Variants in FAM171A1 observed in about 807,000 individuals in gnomAD.
FAM171A1 encodes family with sequence similarity 171 member A1.
A neutral mutation model predicts 74.9 loss-of-function variants in FAM171A1; 23 were observed. The observed-to-expected ratio is 0.31, with a 90% CI of 0.22 to 0.44. The LOEUF is 0.44. Among genes scored for constraint, FAM171A1 ranks in the 20% least tolerant of loss-of-function variants. FAM171A1 has a pLI of 1.00. For synonymous variants in FAM171A1, 527 were observed against 505.7 expected, an observed-to-expected ratio of 1.04 and a Z score of -0.57; for missense variants, 1,162 against 1,159.2, an observed-to-expected ratio of 1.00 and a Z score of -0.03.
intron 4 of FAM171A1, 38 bp from the exon 5 acceptor site, chr10:15,248,853 A>C: frequency 3.2e-6 from 5 of 1,579,934 alleles, no homozygotes; most frequent in Non-Finnish European, 4.3e-6. Context: ...TTGCATGCAA[A>C]GTACCCATGT....
chr10:15,300,085 CA>C, intron 1 of FAM171A1, among the ~76,000 whole-genome samples: 1 of 152,272 alleles, frequency 6.6e-6, no homozygotes, highest in South Asian at 2.1e-4. Flanking sequence ...CAAAACAAGA[CA>C]AAGGTCCCTG....
intron 2 of FAM171A1, among the ~76,000 whole-genome samples, chr10:15,278,903 G>A (rs1428990583): frequency 6.6e-6 from 1 of 152,188 alleles, no homozygotes; most frequent in African/African-American, 2.4e-5. Flanking sequence ...TTTCACCTAA[G>A]GCACAGGGCA....
At chr10:15,263,445 C>T (rs1015939774) in intron 3 of FAM171A1, among the ~76,000 whole-genome samples, 2 of 152,208 alleles carry the variant, frequency 1.3e-5, no homozygotes, top group East Asian at 1.9e-4. Context: ...GTATAATTTA[C>T]GAGTGTTCTC....
At chr10:15,278,757 A>C (rs956340628) in intron 2 of FAM171A1, among the ~76,000 whole-genome samples, 1 of 152,160 alleles carries the variant, frequency 6.6e-6, no homozygotes, top group Non-Finnish European at 1.5e-5. Context: ...GAGGTGTGGG[A>C]AAGAGTGAGT....
chr10:15,305,367 AT>A (rs1835280538), intron 1 of FAM171A1, among the ~76,000 whole-genome samples: 1 of 152,162 alleles, frequency 6.6e-6, no homozygotes, highest in Non-Finnish European at 1.5e-5. Context: ...TCCCGACTCT[AT>A]AATGTCTATA....
chr10:15,257,211 G>A (rs1834591645), intron 3 of FAM171A1, among the ~76,000 whole-genome samples: 1 of 152,168 alleles, frequency 6.6e-6, no homozygotes, highest in African/African-American at 2.4e-5. Flanking sequence ...GAGCAGGGAA[G>A]GAAAAGTGCA....
chr10:15,314,779 G>A (rs932328277), intron 1 of FAM171A1, among the ~76,000 whole-genome samples: 60 of 152,336 alleles, frequency 3.9e-4, no homozygotes, highest in African/African-American at 1.4e-3. Context: ...GTGCCCAGGT[G>A]GGAAGTTGGG....
At position 15,371,264 on chromosome 10, in the gene FAM171A1, G is replaced by GGCGGCT. The variant is rs1554759121; in HGVS notation, c.-213_-212insAGCCGC. On this transcript the variant is annotated 5_prime_UTR_variant, in exon 1 of 8. Transcript: ENST00000378116. ...GAGCCGCGGCGGCGGCGGCGGCGGC[G>GGCGGCT]GCTGCTGCTGCTCCGCCAGCTCCTT... is the stretch of plus-strand genomic sequence containing the variant. Among the ~76,000 whole-genome samples, 5 of 143,914 alleles carry GGCGGCT rather than the reference G, an allele frequency of 3.5e-5. No homozygotes were observed. Among genetic ancestry groups the GGCGGCT allele is most frequent in the Non-Finnish European group, 7.7e-5 (5 of 65,120 alleles). 94.4% of individuals were successfully genotyped at this position (143,914 alleles called of 152,430 possible).
At chr10:15,285,030 A>C (rs1835019170) in intron 1 of FAM171A1, among the ~76,000 whole-genome samples, 1 of 152,272 alleles carries the variant, frequency 6.6e-6, no homozygotes, top group Non-Finnish European at 1.5e-5. Flanking sequence ...ACAGAATGTT[A>C]CAAATTGCTA....
intron 2 of FAM171A1, among the ~76,000 whole-genome samples, chr10:15,282,385 C>T (rs1834981083): frequency 6.6e-6 from 1 of 152,160 alleles, no homozygotes; most frequent in African/African-American, 2.4e-5. Flanking sequence ...GTTAATGAAT[C>T]AACAATCTAT....
intron 1 of FAM171A1, among the ~76,000 whole-genome samples, chr10:15,322,351 T>C (rs1420676584): frequency 6.6e-6 from 1 of 152,230 alleles, no homozygotes; most frequent in Non-Finnish European, 1.5e-5. Flanking sequence ...TTATTTATGT[T>C]AAGTGTATTT....
chr10:15,334,936 A>C (rs777658296), intron 1 of FAM171A1, among the ~76,000 whole-genome samples: 7 of 152,172 alleles, frequency 4.6e-5, no homozygotes, highest in Non-Finnish European at 8.8e-5. Flanking sequence ...ATTCTACAAA[A>C]TCCCGATTCA....
intron 1 of FAM171A1, among the ~76,000 whole-genome samples, chr10:15,357,188 C>G (rs1835943741): frequency 1.3e-5 from 2 of 152,138 alleles, no homozygotes; most frequent in African/African-American, 4.8e-5. Context: ...GAGGCTGAGG[C>G]AGGAGAATGG....
intron 3 of FAM171A1, among the ~76,000 whole-genome samples, chr10:15,255,889 C>T (rs528714627): frequency 6.6e-6 from 1 of 152,196 alleles, no homozygotes; most frequent in Admixed American, 6.5e-5. Flanking sequence ...CTCAGGTGAT[C>T]CACCCGCCTC....
chr10:15,271,988 A>G (rs1834831582), intron 3 of FAM171A1, among the ~76,000 whole-genome samples: 1 of 152,242 alleles, frequency 6.6e-6, no homozygotes, highest in Non-Finnish European at 1.5e-5. Flanking sequence ...TAATGAGCAA[A>G]ATAACCAGCT....
chr10:15,265,786 T>G (rs968907772), intron 3 of FAM171A1, among the ~76,000 whole-genome samples: 2 of 152,044 alleles, frequency 1.3e-5, no homozygotes, highest in African/African-American at 4.8e-5. Context: ...GCCTTCTGGT[T>G]TTCACCTTTA....
chr10:15,315,740 T>C (rs1293359107), intron 1 of FAM171A1, among the ~76,000 whole-genome samples: 3 of 152,144 alleles, frequency 2.0e-5, no homozygotes, highest in Non-Finnish European at 4.4e-5. Flanking sequence ...TCCCCCCAAC[T>C]CCCTAGTCCC....
intron 1 of FAM171A1, among the ~76,000 whole-genome samples, chr10:15,286,109 A>G (rs67465023): frequency 0.23 from 35,653 of 152,176 alleles, 4,302 homozygotes; most frequent in Non-Finnish European, 0.28. Context: ...TGGTGCAGTA[A>G]GCACCGACAC....
intron 1 of FAM171A1, among the ~76,000 whole-genome samples, chr10:15,321,893 G>A (rs1379392021): frequency 6.6e-6 from 1 of 152,188 alleles, no homozygotes; most frequent in Non-Finnish European, 1.5e-5. Context: ...AACACACACA[G>A]CACTGGTTTT....
Sources: allele counts gnomAD v4.1 joint callset (sites outside exome capture counted in the v4.1 genomes callset), GRCh38; gene constraint gnomAD v4.1.1; transcripts MANE v1.5; gene names NCBI Gene and HGNC (gene_info 2026-07-23, HGNC 2026-07-21).